The following MYO3A variants were observed in gnomAD, a reference collection of about 807,000 sequenced individuals.
The protein encoded by MYO3A is myosin IIIA, also known as myosin-IIIa.
Under a neutral mutation model 192.7 loss-of-function variants are expected in MYO3A, and 180 were observed. The ratio of observed to expected loss-of-function variants is 0.93; its 90% CI spans 0.83 to 1.06. The LOEUF (loss-of-function observed/expected upper bound fraction) is 1.06, where lower values mean the gene tolerates loss of function less well. Among genes scored for constraint, MYO3A ranks in the 50% least tolerant of loss-of-function variants. MYO3A has a pLI of 0.00. For synonymous variants in MYO3A, 628 were observed against 645.3 expected, an observed-to-expected ratio of 0.97 and a Z score of 0.41; for missense variants, 1,896 against 1,905.0, an observed-to-expected ratio of 1.00 and a Z score of 0.09.
chr10:25,996,674 G>GTCACTAATGTAGTA, intron 5 of MYO3A, 80 bp downstream of exon 5: 16 of 1,112,290 alleles, frequency 1.4e-5, no homozygotes, highest in Non-Finnish European at 2.0e-5. Flanking sequence ...TTAGAAAAAT[G>GTCACTAATGTAGTA]TCACTAGTGA....
At chr10:26,075,617 TATG>T (rs1835489389) in intron 14 of MYO3A, among the ~76,000 whole-genome samples, 2 of 147,824 alleles carry the variant, frequency 1.4e-5, no homozygotes, top group African/African-American at 4.9e-5. Context: ...CTCATATATA[TATG>T]ATATATATGT....
chr10:26,146,951 C>T (rs1840499839), intron 22 of MYO3A, among the ~76,000 whole-genome samples: 1 of 151,966 alleles, frequency 6.6e-6, no homozygotes, highest in African/African-American at 2.4e-5. Flanking sequence ...CATCTCTAAA[C>T]TTTTTTTTAA....
At chr10:26,131,922 T>C (rs1192183157) in intron 20 of MYO3A, among the ~76,000 whole-genome samples, 1 of 152,136 alleles carries the variant, frequency 6.6e-6, no homozygotes, top group African/African-American at 2.4e-5. Context: ...TCTAAATGAG[T>C]TGCAGCCAAA....
chr10:26,047,004 A>G (rs2131261217), intron 10 of MYO3A, among the ~76,000 whole-genome samples: 1 of 152,374 alleles, frequency 6.6e-6, no homozygotes, highest in Admixed American at 6.5e-5. Context: ...CCTGTAATGT[A>G]AATGTTTCCA....
At chr10:26,195,015 G>A (rs1843339574) in intron 32 of MYO3A, among the ~76,000 whole-genome samples, 1 of 152,052 alleles carries the variant, frequency 6.6e-6, no homozygotes. Context: ...ATGGTTTTTA[G>A]TACAATAATC....
At chr10:25,951,232 A>G (rs1019065112) in intron 2 of MYO3A, among the ~76,000 whole-genome samples, 1 of 152,198 alleles carries the variant, frequency 6.6e-6, no homozygotes, top group Non-Finnish European at 1.5e-5. Flanking sequence ...AATGATATCA[A>G]TAAATGGTCT....
intron 17 of MYO3A, among the ~76,000 whole-genome samples, chr10:26,101,476 A>G (rs1169683489): frequency 6.6e-6 from 1 of 152,190 alleles, no homozygotes; most frequent in Admixed American, 6.5e-5. Flanking sequence ...TCTTTGATGC[A>G]GTTTCTTCCT....
At chr10:26,008,537 A>C (rs1841393235) in intron 6 of MYO3A, among the ~76,000 whole-genome samples, 1 of 149,488 alleles carries the variant, frequency 6.7e-6, no homozygotes, top group African/African-American at 2.5e-5. Context: ...ACAAGAAAAA[A>C]ACAAACAACC....
At chr10:26,117,941 T>C (rs1368525371) in intron 17 of MYO3A, among the ~76,000 whole-genome samples, 1 of 152,230 alleles carries the variant, frequency 6.6e-6, no homozygotes, top group African/African-American at 2.4e-5. Flanking sequence ...ATGGTTGAAC[T>C]AATTCAGACT....
In MYO3A at chr10:26,185,329, C is replaced by CTTTTTTT. The variant is rs61581382; in HGVS notation, c.4439-7854_4439-7848dup. Among the ~76,000 whole-genome samples the CTTTTTTT allele has an allele frequency of 6.3e-4, 40 of 63,878 alleles. 4 individuals are homozygous for CTTTTTTT. The highest frequency in any genetic ancestry group is 1.0e-3 in the Non-Finnish European group (34 of 33,126). The allele number at this position is 63,878 out of a possible 152,430, so 41.9% of individuals were successfully genotyped here. A position where few individuals can be genotyped will look rare whatever the true frequency, so the allele number is the denominator to read the frequency against. On this transcript the variant is annotated intron_variant, in intron 31 of 34. Transcript: ENST00000642920. ...CTACCATACCATACATTCCAGGATTCTTTTTTTTTTTTTTTTTTTTTTTTT... is the reference window on the plus strand; with the variant it reads ...CTACCATACCATACATTCCAGGATTCTTTTTTTTTTTTTTTTTTTTTTTTTTTTTTTT...
At chr10:26,047,239 C>A (rs1437454693) in intron 10 of MYO3A, among the ~76,000 whole-genome samples, 5 of 151,824 alleles carry the variant, frequency 3.3e-5, no homozygotes, top group African/African-American at 1.2e-4. Context: ...AGAAATAAAA[C>A]ACATTTTACT....
chr10:26,127,611 C>T (rs1839292050), intron 19 of MYO3A, among the ~76,000 whole-genome samples: 1 of 152,086 alleles, frequency 6.6e-6, no homozygotes, highest in Admixed American at 6.6e-5. Context: ...CAAATCACTT[C>T]CTTACATAAT....
At chr10:26,013,319 A>G (rs7089743) in intron 6 of MYO3A, among the ~76,000 whole-genome samples, 14,281 of 134,832 alleles carry the variant, frequency 0.11, 1,178 homozygotes, top group African/African-American at 0.22. Context: ...AGAATAAATA[A>G]TCAACGGAAT....
At chr10:25,991,651 A>G (rs1840040010) in intron 4 of MYO3A, among the ~76,000 whole-genome samples, 2 of 152,180 alleles carry the variant, frequency 1.3e-5, no homozygotes, top group African/African-American at 4.8e-5. Flanking sequence ...TTTTAGGTCT[A>G]ACATTTAAGT....
intron 11 of MYO3A, 145 bp downstream of exon 11, chr10:26,067,219 T>C: frequency 1.6e-6 from 1 of 628,298 alleles, no homozygotes; most frequent in African/African-American, 1.8e-5. Context: ...ATGTCTCCCA[T>C]CTGTAAGTCT....
chr10:26,081,082 G>A (rs1348837664), intron 14 of MYO3A, among the ~76,000 whole-genome samples: 3 of 150,984 alleles, frequency 2.0e-5, no homozygotes, highest in African/African-American at 7.3e-5. Flanking sequence ...GGTAGTATGG[G>A]GTGGAACCGG....
chr10:25,960,277 T>G (rs1189116791), intron 4 of MYO3A, among the ~76,000 whole-genome samples: 1 of 152,152 alleles, frequency 6.6e-6, no homozygotes, highest in Non-Finnish European at 1.5e-5. Context: ...TGTATAATAG[T>G]ATTTTCAAAA....
rs1241059681 is a variant in MYO3A, at chr10:26,166,149, C to G, written c.3082C>G (p.Leu1028Val). The stretch of plus-strand genomic sequence containing the variant: ...TGCCACCATTTTGGAAAAAGCTGGT[C>G]TCGATAACTGGGCTCTTGGAAAAAC... ...TCATILEKAG[L>V]DNWALGKTKV... Residue 1028 changes from leucine to valine, a missense_variant, in exon 27 of 35, where the codon CTC becomes GTC. By Grantham distance (32) the Leu-to-Val change is conservative (BLOSUM62 1). Coordinates refer to ENST00000642920, the MANE Select transcript of MYO3A (RefSeq NM_017433.5). 1.2e-6 allele frequency: 2 copies of G among 1,613,932 alleles called. No homozygotes were observed. Among genetic ancestry groups the G allele is most frequent in the Non-Finnish European group, 1.7e-6 (2 of 1,179,962 alleles).
chr10:26,090,583 ATC>A (rs758190689), intron 15 of MYO3A, among the ~76,000 whole-genome samples: 5 of 152,182 alleles, frequency 3.3e-5, no homozygotes, highest in South Asian at 4.1e-4. Flanking sequence ...CCATTTTTAT[ATC>A]TGTTTTTTCT....
Sources: gnomAD v4.1 joint callset for allele counts (sites outside exome capture counted in the v4.1 genomes callset) on GRCh38, gnomAD v4.1.1 for gene constraint, MANE v1.5 for transcripts, NCBI Gene and HGNC (gene_info 2026-07-23, HGNC 2026-07-21) for gene names.